The following KIF1B variants were observed in gnomAD, a reference collection of about 807,000 sequenced individuals.
The protein encoded by KIF1B is kinesin family member 1B.
Under a neutral mutation model 241.9 loss-of-function variants are expected in KIF1B, and 76 were observed. The observed-to-expected ratio is 0.31, with a 90% CI of 0.26 to 0.38. The LOEUF (loss-of-function observed/expected upper bound fraction) is 0.38, where lower values mean the gene tolerates loss of function less well. KIF1B is among the 10% of genes least tolerant of loss of function. KIF1B has a pLI of 1.00. For missense variants in KIF1B, 1,622 were observed against 2,271.4 expected (o/e 0.71, Z 5.81); for synonymous variants, 750 against 796.7 (o/e 0.94, Z 0.99).
At position 10,374,442 on chromosome 1, in the gene KIF1B, A is replaced by G; in HGVS notation, c.5073A>G (p.Pro1691=). The G allele has an allele frequency of 1.2e-6, 2 of 1,614,230 alleles. No individual in the cohort carries two copies. Among genetic ancestry groups the G allele is most frequent in the South Asian group, 1.1e-5 (1 of 91,088 alleles). Residue 1691 remains proline, a synonymous_variant, in exon 46 of 49, where the codon CCA becomes CCG. Transcript: ENST00000676179. The surrounding 1 kb of genome is among the most constrained non-coding windows in gnomAD (Gnocchi z 4.3). ...AAAACGAATTTCTCAATCTTGTTCC[A>G]GATATTGAAGAAATTAGACCAAGGT... ...AGKNEFLNLV[P]DIEEIRPSSV...
intron 1 of KIF1B, among the ~76,000 whole-genome samples, chr1:10,227,235 A>G (rs1259617600): frequency 6.6e-6 from 1 of 151,628 alleles, no homozygotes; most frequent in Non-Finnish European, 1.5e-5. Context: ...GGGTTTCACC[A>G]TGTTGACCAG....
chr1:10,235,862 CAAAA>C (rs70997211), intron 2 of KIF1B, among the ~76,000 whole-genome samples: 5 of 70,356 alleles, frequency 7.1e-5, no homozygotes, highest in South Asian at 5.3e-4. Flanking sequence ...AACACTGTCT[CAAAA>C]AAAAAAAAAA....
intron 18 of KIF1B, 73 bp downstream of exon 18, chr1:10,295,238 G>A: frequency 1.1e-6 from 1 of 935,894 alleles, no homozygotes. Flanking sequence ...TAAAGGGAAG[G>A]GGTTGAAAAA....
intron 40 of KIF1B, among the ~76,000 whole-genome samples, chr1:10,362,369 A>G (rs930035723): frequency 1.3e-5 from 2 of 151,950 alleles, no homozygotes; most frequent in African/African-American, 4.8e-5. Flanking sequence ...CCAGCTACTC[A>G]GGAGGCTGAG....
At chr1:10,292,741 G>T (rs896412462) in intron 17 of KIF1B, among the ~76,000 whole-genome samples, 1 of 152,112 alleles carries the variant, frequency 6.6e-6, no homozygotes, top group African/African-American at 2.4e-5. Context: ...AGTAGTAAGG[G>T]TTTTTTTGTT....
chr1:10,262,717 TC>T (rs1179276825), intron 5 of KIF1B, among the ~76,000 whole-genome samples: 2 of 152,200 alleles, frequency 1.3e-5, no homozygotes, highest in Admixed American at 1.3e-4. Flanking sequence ...TGGTTGAACG[TC>T]TTGTAAATTA....
Position 10,374,893 on chromosome 1 carries a change from G to A in KIF1B, c.5136G>A (p.Glu1712=), listed in dbSNP as rs1472266746. 2.5e-6 allele frequency: 4 copies of A among 1,614,098 alleles called. No homozygotes were observed. In the South Asian group the frequency reaches 3.3e-5, roughly 13 times the overall value. Residue 1712 remains glutamate (E), a synonymous_variant, in exon 47 of 49, where the codon GAG becomes GAA. Transcript: ENST00000676179. The surrounding 1 kb of genome is among the most constrained non-coding windows in gnomAD (Gnocchi z 4.3). The part of the protein sequence containing the change: ...VSKKGYLHFK[E]PLYSNWAKHF... ...AGAAAGGATACCTTCATTTCAAGGA[G>A]CCTCTTTACAGTAACTGGGCTAAAC...
chr1:10,288,691 G>A (rs1649834726), intron 15 of KIF1B, among the ~76,000 whole-genome samples: 1 of 132,744 alleles, frequency 7.5e-6, no homozygotes, highest in African/African-American at 3.0e-5. Flanking sequence ...GCTGGTTGTT[G>A]TTGTTCTTCA....
At chr1:10,332,332 C>G (rs1651975754) in intron 27 of KIF1B, among the ~76,000 whole-genome samples, 1 of 151,820 alleles carries the variant, frequency 6.6e-6, no homozygotes, top group Non-Finnish European at 1.5e-5. Context: ...TCCCAAAATG[C>G]TGGGATTACA....
At chr1:10,350,934 A>G (rs1652769421) in intron 37 of KIF1B, among the ~76,000 whole-genome samples, 1 of 152,124 alleles carries the variant, frequency 6.6e-6, no homozygotes, top group Non-Finnish European at 1.5e-5. Context: ...CTGTCTCTCT[A>G]CAAATAAGCT....
chr1:10,350,198 A>G (rs964704824), intron 37 of KIF1B, among the ~76,000 whole-genome samples: 3 of 151,556 alleles, frequency 2.0e-5, no homozygotes, highest in African/African-American at 7.3e-5. Flanking sequence ...CTGAGACAGG[A>G]GAATCATTTG....
chr1:10,229,855 G>T (rs1646956083), intron 1 of KIF1B, among the ~76,000 whole-genome samples: 1 of 113,608 alleles, frequency 8.8e-6, no homozygotes, highest in African/African-American at 3.9e-5. Context: ...GTGATGGAGT[G>T]AGACTCCGTC....
chr1:10,347,720 A>C, intron 35 of KIF1B, 41 bp from the exon 36 acceptor site: 1 of 1,534,312 alleles, frequency 6.5e-7, no homozygotes, highest in African/African-American at 1.4e-5. Context: ...CTTGCAGATG[A>C]AGTAGCACTT....
At chr1:10,297,278 A>C (rs1650314517) in intron 22 of KIF1B, 32 bp downstream of exon 22, 2 of 1,589,472 alleles carry the variant, frequency 1.3e-6, no homozygotes, top group African/African-American at 1.3e-5. Flanking sequence ...AACTGTTGGG[A>C]AAAGGGCAGC....
intron 2 of KIF1B, 118 bp from the exon 3 acceptor site, chr1:10,256,129 A>G (rs187331790): frequency 1.4e-6 from 1 of 728,320 alleles, no homozygotes; most frequent in East Asian, 2.7e-5. Flanking sequence ...TGATTGCCCT[A>G]TTCAGATTTA....
At chr1:10,334,440 A>G in intron 27 of KIF1B, 80 bp from the exon 28 acceptor site, 2 of 1,058,870 alleles carry the variant, frequency 1.9e-6, no homozygotes. Context: ...CAGTTGCAGG[A>G]AGATGTTCTC....
At chr1:10,212,884 GTGTGTGTATA>G (rs1557638214) in intron 1 of KIF1B, among the ~76,000 whole-genome samples, 7 of 72,310 alleles carry the variant, frequency 9.7e-5, no homozygotes, top group African/African-American at 3.9e-4. Flanking sequence ...GTGTGCATGC[GTGTGTGTATA>G]TATATATATA....
intron 28 of KIF1B, among the ~76,000 whole-genome samples, chr1:10,336,289 C>T (rs1319820124): frequency 1.3e-5 from 2 of 152,180 alleles, no homozygotes; most frequent in African/African-American, 2.4e-5. Flanking sequence ...GCTGGGATTA[C>T]AGGTGCCCGC....
intron 45 of KIF1B, among the ~76,000 whole-genome samples, chr1:10,372,667 TCACCCAAGCTGG>T (rs1638775649): frequency 8.4e-6 from 1 of 118,562 alleles, no homozygotes; most frequent in South Asian, 3.2e-4. Context: ...GACAGAGCTG[TCACCCAAGCTGG>T]CGCGCAGCGG....
Sources: gnomAD v4.1 joint callset for allele counts (sites outside exome capture counted in the v4.1 genomes callset) on GRCh38, gnomAD v4.1.1 for gene constraint, Gnocchi (gnomAD v3.1) non-coding constraint, MANE v1.5 for transcripts, NCBI Gene and HGNC (gene_info 2026-07-23, HGNC 2026-07-21) for gene names.